The following CEP83 variants were observed in gnomAD, a reference collection of about 807,000 sequenced individuals.
The protein encoded by CEP83 is centrosomal protein 83, also known as centrosomal protein of 83 kDa.
A neutral mutation model predicts 101.9 loss-of-function variants in CEP83; 70 were observed. That is an observed-to-expected ratio of 0.69 (90% confidence interval 0.57 to 0.84). The LOEUF (loss-of-function observed/expected upper bound fraction) is 0.84, where lower values mean the gene tolerates loss of function less well. Ranked by LOEUF, CEP83 falls within the 40% of genes least tolerant of loss-of-function variation. The pLI, the probability that CEP83 is intolerant of heterozygous loss-of-function variation, is 0.00. For synonymous variants in CEP83, 264 were observed against 267.9 expected (o/e 0.99, Z 0.14); for missense variants, 715 against 787.2 (o/e 0.91, Z 1.10).
At chr12:94,445,030 A>C (rs1197681352) in intron 1 of CEP83, among the ~76,000 whole-genome samples, 1 of 152,200 alleles carries the variant, frequency 6.6e-6, no homozygotes, top group Non-Finnish European at 1.5e-5. Flanking sequence ...AGAGCCAAAA[A>C]AAAAACTTTG....
chr12:94,383,393 T>C (rs538246859), intron 6 of CEP83, among the ~76,000 whole-genome samples: 1 of 152,212 alleles, frequency 6.6e-6, no homozygotes, highest in African/African-American at 2.4e-5. Context: ...TGACTTATGA[T>C]GGTTCAAGTT....
At chr12:94,312,281 C>T (rs531581548) in intron 15 of CEP83, among the ~76,000 whole-genome samples, 1 of 152,282 alleles carries the variant, frequency 6.6e-6, no homozygotes, top group Non-Finnish European at 1.5e-5. Context: ...CCCAAGAACA[C>T]CAGTGCACAT....
chr12:94,433,546 T>A (rs758470096), intron 2 of CEP83, among the ~76,000 whole-genome samples: 7 of 151,830 alleles, frequency 4.6e-5, no homozygotes, highest in Non-Finnish European at 8.8e-5. Flanking sequence ...CCCGGTGTGG[T>A]AGCATGTGCC....
At chr12:94,441,914 C>CAAAA (rs370968833) in intron 1 of CEP83, among the ~76,000 whole-genome samples, 6 of 61,790 alleles carry the variant, frequency 9.7e-5, no homozygotes, top group Admixed American at 2.0e-4. Context: ...GACTCCGTCT[C>CAAAA]AAAAAAAAAA....
At position 94,309,405 on chromosome 12, in the gene CEP83, T is replaced by C. The variant is rs186138484; in HGVS notation, c.2002-488A>G. 2.2e-4 allele frequency among the ~76,000 whole-genome samples: 33 copies of C among 152,254 alleles called. 1 individual carries two copies. The highest frequency in any genetic ancestry group is 1.5e-5 in the Non-Finnish European group (1 of 68,012). ...CTTGATACAATAGAAAGAGCCCGGG[T>C]TTTGGATTCAACAGGTTTAGGTTTG... is the stretch of plus-strand genomic sequence containing the variant. On this transcript the variant is annotated intron_variant, in intron 16 of 16. Coordinates refer to ENST00000397809, the MANE Select transcript of CEP83 (RefSeq NM_016122.3).
At position 94,412,572 on chromosome 12, in the gene CEP83, C is replaced by A. The variant is rs911799750; in HGVS notation, c.-82G>T. On this transcript the variant is annotated 5_prime_UTR_variant, in exon 3 of 17. Transcript: ENST00000397809. ...CACTCCTTTCTTGCTAAGGCAGAAT[C>A]TCAGGAAGCCAAATTATACCTGCAC... 4.0e-6 allele frequency: 5 copies of A among 1,240,562 alleles called. No homozygotes were observed. The African/African-American group carries it at 6.1e-5, about 15-fold the overall frequency. 76.8% of individuals were successfully genotyped at this position (1,240,562 alleles called of 1,614,324 possible).
chr12:94,306,722 A>C (rs561577708), downstream of CEP83: 1 of 152,220 alleles, frequency 6.6e-6, no homozygotes, highest in Admixed American at 6.6e-5. Flanking sequence ...TTAAATATGA[A>C]TTTGTCTTAA....
At chr12:94,275,579 C>T in the CEP83 span, among the ~76,000 whole-genome samples, 1 of 86,222 alleles carries the variant, frequency 1.2e-5, no homozygotes, top group African/African-American at 5.0e-5. Flanking sequence ...TTTGGCCGGG[C>T]GCGGTGGCTC....
At chr12:94,278,099 G>A in the CEP83 span, 1 of 454,708 alleles carries the variant, frequency 2.2e-6, no homozygotes, top group African/African-American at 2.0e-5. Flanking sequence ...TCTTCCTTCT[G>A]TCTTCTCCCT....
rs1263095418 is a variant in CEP83 at position 94,410,758 on chromosome 12, G to C, written c.324+939C>G. ...TTCCCTCTTCGATTTACATTTCTGA[G>C]GTTTATATTTGTATATTTAAATGTC... On this transcript the variant is annotated intron_variant, in intron 4 of 16. Coordinates refer to ENST00000397809, the MANE Select transcript of CEP83 (RefSeq NM_016122.3). Among the ~76,000 whole-genome samples the C allele has an allele frequency of 1.3e-5, 2 of 152,062 alleles. 1 individual carries two copies. Among genetic ancestry groups the C allele is most frequent in the Non-Finnish European group, 2.9e-5 (2 of 68,012 alleles).
At chr12:94,333,683 A>G (rs1207486440) in intron 12 of CEP83, 44 bp from the exon 13 acceptor site, 1 of 1,587,046 alleles carries the variant, frequency 6.3e-7, no homozygotes, top group Non-Finnish European at 8.6e-7. Context: ...CACTAAATAA[A>G]TGCGGTAAGG....
chr12:94,304,160 G>C (rs1968768065), downstream of CEP83: 1 of 677,708 alleles, frequency 1.5e-6, no homozygotes, highest in Middle Eastern at 4.2e-4. Flanking sequence ...GGCCAGAAAG[G>C]GAAGCCAGGA....
chr12:94,285,482 A>G, the CEP83 span, among the ~76,000 whole-genome samples: 5 of 152,182 alleles, frequency 3.3e-5, no homozygotes, highest in African/African-American at 1.2e-4. Flanking sequence ...CAGGCTAGCA[A>G]CTTGCCCCGT....
chr12:94,423,872 T>A (rs2064978458), intron 2 of CEP83: 1 of 1,612,360 alleles, frequency 6.2e-7, no homozygotes, highest in Admixed American at 1.7e-5. Flanking sequence ...CTGGGAGATG[T>A]AAGCTCCTTG....
chr12:94,348,350 A>T (rs1165335323), intron 11 of CEP83, among the ~76,000 whole-genome samples: 1 of 152,186 alleles, frequency 6.6e-6, no homozygotes, highest in Non-Finnish European at 1.5e-5. Flanking sequence ...GCTGCCAAAG[A>T]ACTCAATGTC....
chr12:94,270,434 G>C, the CEP83 span, among the ~76,000 whole-genome samples: 1 of 152,126 alleles, frequency 6.6e-6, no homozygotes. Context: ...TCTAGAGCTT[G>C]ACATAGTAGA....
chr12:94,410,196 C>T (rs1202544544), intron 4 of CEP83, among the ~76,000 whole-genome samples: 1 of 152,192 alleles, frequency 6.6e-6, no homozygotes, highest in Non-Finnish European at 1.5e-5. Context: ...TTATCCTAAA[C>T]ACTGAAGACA....
At position 94,364,543 on chromosome 12, in the gene CEP83, T is replaced by C. The variant is rs1021369999; in HGVS notation, c.1343+3251A>G. ...TACTTGGGAGGCTGAGGCAGGAGGA[T>C]TGCTTGAGCTCAGGAGTTCAGTGTT... On this transcript the variant is annotated intron_variant, in intron 11 of 16. Coordinates refer to ENST00000397809, the MANE Select transcript of CEP83 (RefSeq NM_016122.3). Among the ~76,000 whole-genome samples, 3 of 152,094 alleles carry C rather than the reference T, an allele frequency of 2.0e-5. No homozygotes were observed. In the East Asian group the frequency reaches 5.8e-4, roughly 29 times the overall value.
chr12:94,352,889 CAGA>C (rs1392253086), intron 11 of CEP83, among the ~76,000 whole-genome samples: 1 of 151,948 alleles, frequency 6.6e-6, no homozygotes, highest in South Asian at 2.1e-4. Flanking sequence ...ATAAAAATTC[CAGA>C]AGAATAAGAG....
Sources: gnomAD v4.1 joint callset for allele counts (sites outside exome capture counted in the v4.1 genomes callset) on GRCh38, gnomAD v4.1.1 for gene constraint, MANE v1.5 for transcripts, NCBI Gene and HGNC (gene_info 2026-07-23, HGNC 2026-07-21) for gene names.